Variants in LRP6 observed in about 807,000 individuals in gnomAD.
LRP6 encodes low-density lipoprotein receptor-related protein 6.
LRP6 carries 43 observed loss-of-function variants against 184.1 expected under a neutral mutation model. The observed-to-expected ratio is 0.23, with a 90% confidence interval of 0.18 to 0.30. LRP6 has a LOEUF of 0.30. LRP6 is among the 10% of genes least tolerant of loss of function. The pLI, the probability that LRP6 is intolerant of heterozygous loss-of-function variation, is 1.00. For missense variants in LRP6, 1,571 were observed against 2,005.3 expected, an observed-to-expected ratio of 0.78 and a Z score of 4.14; for synonymous variants, 719 against 684.9, an observed-to-expected ratio of 1.05 and a Z score of -0.78.
At chr12:12,123,120 T>G (rs532314726) in intron 22 of LRP6, among the ~76,000 whole-genome samples, 7 of 152,274 alleles carry the variant, frequency 4.6e-5, no homozygotes, top group African/African-American at 1.7e-4. Context: ...ACAAATGATG[T>G]AAGTTTTGAC....
intron 2 of LRP6, chr12:12,226,783 T>C (rs1864635866): frequency 1.3e-5 from 2 of 152,158 alleles, no homozygotes; most frequent in Admixed American, 1.3e-4. Context: ...TTTTATAATA[T>C]ATATTTTTAA....
At chr12:12,138,990 T>C (rs1949890681) in intron 15 of LRP6, 2 of 1,337,514 alleles carry the variant, frequency 1.5e-6, no homozygotes. Context: ...GTAAGAATTA[T>C]TTCTAATCAT....
intron 3 of LRP6, among the ~76,000 whole-genome samples, chr12:12,195,867 T>C (rs527280753): frequency 6.6e-6 from 1 of 152,254 alleles, no homozygotes; most frequent in African/African-American, 2.4e-5. Flanking sequence ...GATTTTTGTA[T>C]AAGGTGAGAG....
At chr12:12,138,572 T>C in intron 15 of LRP6, 38 bp from the exon 16 acceptor site, 10 of 1,540,278 alleles carry the variant, frequency 6.5e-6, no homozygotes, top group Non-Finnish European at 9.0e-6. Flanking sequence ...ATGACTCATG[T>C]GGGTCAAGTT....
intron 3 of LRP6, among the ~76,000 whole-genome samples, chr12:12,200,328 G>A (rs1487360321): frequency 6.6e-6 from 1 of 152,158 alleles, no homozygotes; most frequent in Non-Finnish European, 1.5e-5. Flanking sequence ...TTAAGTCCCA[G>A]TCATCAACAA....
At position 12,164,283 on chromosome 12, in the gene LRP6, A is replaced by G. The variant is rs1862814982; in HGVS notation, c.2042T>C (p.Ile681Thr). 3.1e-6 allele frequency: 5 copies of G among 1,613,918 alleles called. No homozygotes were observed. Among genetic ancestry groups the G allele is most frequent in the Non-Finnish European group, 4.2e-6 (5 of 1,179,960 alleles). ...AATTCTTTTGCTAACCTTGAGTGAT[A>G]TATCAGTCCAATAAATTCGGTTGTC... Reference protein sequence around the residue: ...VTDNRIYWTDISLKTISRAFM... With the variant: ...VTDNRIYWTDTSLKTISRAFM... Residue 681 changes from isoleucine (I) to threonine (T), a missense_variant, in exon 9 of 23, where the codon ATA becomes ACA. Coordinates refer to ENST00000261349, the MANE Select transcript of LRP6 (RefSeq NM_002336.3).
chr12:12,156,792 G>A (rs1252862028), intron 12 of LRP6, among the ~76,000 whole-genome samples: 3 of 152,104 alleles, frequency 2.0e-5, no homozygotes, highest in Non-Finnish European at 4.4e-5. Context: ...TTACCTCTCT[G>A]GTTGCTACTT....
intron 16 of LRP6, among the ~76,000 whole-genome samples, chr12:12,135,904 G>A (rs1388005233): frequency 6.6e-6 from 1 of 151,670 alleles, no homozygotes; most frequent in Non-Finnish European, 1.5e-5. Flanking sequence ...CTAGGGAGAG[G>A]CCGGGTGCGG....
chr12:12,246,875 AAT>A (rs1865200734), intron 1 of LRP6, among the ~76,000 whole-genome samples: 1 of 152,212 alleles, frequency 6.6e-6, no homozygotes. Context: ...GTGTCTGTCA[AAT>A]AGTTATAAAT....
At chr12:12,147,732 G>A (rs1463752881) in intron 14 of LRP6, among the ~76,000 whole-genome samples, 176 bp from the exon 15 acceptor site, 3 of 152,108 alleles carry the variant, frequency 2.0e-5, no homozygotes, top group East Asian at 1.9e-4. Flanking sequence ...AGCACTTTGG[G>A]AGACTGAGGC....
At chr12:12,247,412 G>T (rs1865214292) in intron 1 of LRP6, among the ~76,000 whole-genome samples, 1 of 152,082 alleles carries the variant, frequency 6.6e-6, no homozygotes, top group Non-Finnish European at 1.5e-5. Flanking sequence ...AATATTTTTG[G>T]TCTACAAAAT....
At chr12:12,127,169 G>T (rs147886007) in intron 19 of LRP6, among the ~76,000 whole-genome samples, 1 of 152,304 alleles carries the variant, frequency 6.6e-6, no homozygotes, top group Admixed American at 6.5e-5. Flanking sequence ...GTTGGAAAGT[G>T]TAATTGTAAA....
At chr12:12,180,809 C>CTT (rs1470604991) in intron 6 of LRP6, among the ~76,000 whole-genome samples, 1 of 152,106 alleles carries the variant, frequency 6.6e-6, no homozygotes. Flanking sequence ...CACCCAAAGT[C>CTT]AGCAAACATG....
Position 12,147,977 on chromosome 12 carries a change from A to AAT in LRP6, c.3207-423_3207-422dup, listed in dbSNP as rs374181876. ...GTGATCGAGCCAAACCTTGTATCCA[A>AAT]ATATATATATATATATCCTCTTTTA... is the stretch of plus-strand genomic sequence containing the variant. On this transcript the variant is annotated intron_variant, in intron 14 of 22. Transcript: ENST00000261349. Among the ~76,000 whole-genome samples the AAT allele has an allele frequency of 6.8e-3, 1,003 of 148,028 alleles. 6 individuals are homozygous for AAT. The highest frequency in any genetic ancestry group is 0.017 in the African/African-American group (668 of 40,442).
chr12:12,245,769 C>T (rs981852142), intron 1 of LRP6, among the ~76,000 whole-genome samples: 2 of 151,754 alleles, frequency 1.3e-5, no homozygotes, highest in African/African-American at 4.8e-5. Flanking sequence ...GTATAAATTC[C>T]ATGTTTTTTG....
chr12:12,151,488 A>G (rs1165475455), intron 12 of LRP6, among the ~76,000 whole-genome samples: 1 of 151,994 alleles, frequency 6.6e-6, no homozygotes, highest in Non-Finnish European at 1.5e-5. Context: ...GAAAAAAAAA[A>G]AAAAAAGAAG....
intron 14 of LRP6, among the ~76,000 whole-genome samples, chr12:12,148,182 C>G (rs149502440): frequency 4.9e-4 from 74 of 151,786 alleles, no homozygotes; most frequent in African/African-American, 1.7e-3. Flanking sequence ...TATTAGGGAG[C>G]TTTCATAGAT....
chr12:12,124,217 T>C (rs1216753971), intron 22 of LRP6, among the ~76,000 whole-genome samples: 2 of 152,002 alleles, frequency 1.3e-5, no homozygotes, highest in African/African-American at 4.8e-5. Context: ...CTACTAAAAA[T>C]ACAAAATTAG....
At chr12:12,169,106 G>A (rs1418223279) in intron 7 of LRP6, among the ~76,000 whole-genome samples, 1 of 152,014 alleles carries the variant, frequency 6.6e-6, no homozygotes, top group African/African-American at 2.4e-5. Flanking sequence ...GCTAACGCCT[G>A]TAATCCCAGC....
Sources: allele counts gnomAD v4.1 joint callset (sites outside exome capture counted in the v4.1 genomes callset), GRCh38; gene constraint gnomAD v4.1.1; transcripts MANE v1.5; gene names NCBI Gene and HGNC (gene_info 2026-07-23, HGNC 2026-07-21).